Variants in ANKRD13D observed in about 807,000 individuals in gnomAD.
ANKRD13D encodes ankyrin repeat domain 13D.
In ANKRD13D, 24 loss-of-function variants were observed where a neutral mutation model predicts 68.8. That is an observed-to-expected ratio of 0.35 (90% confidence interval 0.25 to 0.49). The LOEUF (loss-of-function observed/expected upper bound fraction) is 0.49, where lower values mean the gene tolerates loss of function less well. ANKRD13D is among the 20% of genes least tolerant of loss of function. The pLI is 0.99. For synonymous variants in ANKRD13D, 331 were observed against 336.1 expected, an observed-to-expected ratio of 0.98 and a Z score of 0.16; for missense variants, 735 against 832.1, an observed-to-expected ratio of 0.88 and a Z score of 1.44.
At position 67,300,645 on chromosome 11, in the gene ANKRD13D, G is replaced by A; in HGVS notation, c.1074-345G>A. The A allele has an allele frequency of 2.2e-6, 1 of 457,008 alleles. No homozygotes were observed. Among genetic ancestry groups the A allele is most frequent in the Non-Finnish European group, 3.9e-6 (1 of 259,510 alleles). The allele number at this position is 457,008 out of a possible 1,614,324, so 28.3% of individuals were successfully genotyped here. On this transcript the variant is annotated intron_variant, in intron 10 of 14. Transcript: ENST00000511455. This position sits in a 1 kb window ranked among gnomAD's most constrained non-coding sequence, Gnocchi z 4.3. ...GGGGTGTGCTGGACATAAAAGTTTGGCAACACGTGAGCTGGTGACCAGCTC... is the reference window on the plus strand; with the variant it reads ...GGGGTGTGCTGGACATAAAAGTTTGACAACACGTGAGCTGGTGACCAGCTC...
In ANKRD13D at chr11:67,300,887, A is replaced by G; in HGVS notation, c.1074-103A>G. The G allele has an allele frequency of 1.4e-6, 2 of 1,430,930 alleles. No homozygotes were observed. The highest frequency in any genetic ancestry group is 2.6e-5 in the South Asian group (2 of 76,368). The allele number at this position is 1,430,930 out of a possible 1,614,324, so 88.6% of individuals were successfully genotyped here. A position where few individuals can be genotyped will look rare whatever the true frequency, so the allele number is the denominator to read the frequency against. ...TGAGCAGAGCAGGGCACTCCAGGCC[A>G]GGCAGAAGGTGGGTAAAGGCAGCTG... On this transcript the variant is annotated intron_variant, in intron 10 of 14. Transcript: ENST00000511455. The surrounding 1 kb of genome is among the most constrained non-coding windows in gnomAD (Gnocchi z 4.3).
Position 67,289,418 on chromosome 11 carries a change from C to T in ANKRD13D, c.-43C>T. 7.2e-7 allele frequency: 1 copy of T among 1,392,196 alleles called. No individual in the cohort carries two copies. Among genetic ancestry groups the T allele is most frequent in the East Asian group, 3.1e-5 (1 of 32,386 alleles). 86.2% of individuals were successfully genotyped at this position (1,392,196 alleles called of 1,614,324 possible). On this transcript the variant is annotated 5_prime_UTR_variant, in exon 1 of 15. Transcript: ENST00000511455. ...GGGGAGGCTAGGGGGCCGTGCCAGG[C>T]CCGAAGCCGAGGCGGGGCCGGGATG...
chr11:67,297,483 C>G (rs563161431), intron 6 of ANKRD13D, among the ~76,000 whole-genome samples: 1 of 151,304 alleles, frequency 6.6e-6, no homozygotes, highest in Non-Finnish European at 1.5e-5. Context: ...GCGTGAGCCA[C>G]CGGGCCTGGC....
chr11:67,290,780 C>G (rs150572357), intron 3 of ANKRD13D: 86 of 262,554 alleles, frequency 3.3e-4, no homozygotes, highest in African/African-American at 1.8e-3. Context: ...CTTCTGGAAG[C>G]ACACGGAGGG....
intron 6 of ANKRD13D, among the ~76,000 whole-genome samples, chr11:67,296,772 C>T (rs1305850783): frequency 6.6e-6 from 1 of 152,038 alleles, no homozygotes; most frequent in African/African-American, 2.4e-5. Context: ...TGCAGGCATG[C>T]ACCACCAAGC....
At chr11:67,296,592 G>T (rs938806978) in intron 6 of ANKRD13D, among the ~76,000 whole-genome samples, 5 of 151,796 alleles carry the variant, frequency 3.3e-5, no homozygotes, top group African/African-American at 1.2e-4. Context: ...TCTGATTCTG[G>T]TGAGTAATTT....
At position 67,291,453 on chromosome 11, in the gene ANKRD13D, C is replaced by T. The variant is rs376716929; in HGVS notation, c.352-23C>T. 3 of 1,611,754 alleles carry T rather than the reference C, an allele frequency of 1.9e-6. No homozygotes were observed. The African/African-American group carries it at 4.0e-5, about 22-fold the overall frequency. On this transcript the variant is annotated intron_variant, in intron 3 of 14. Coordinates refer to ENST00000511455, the MANE Select transcript of ANKRD13D (RefSeq NM_207354.3). ...GAGCCAGCAGCAGGCAGGGCGCTGA[C>T]AAGCAGCTCTGGTTTCTCTTAGGCC...
chr11:67,292,317 G>A (rs531212358), intron 6 of ANKRD13D, 137 bp downstream of exon 6: 244 of 1,064,990 alleles, frequency 2.3e-4, no homozygotes, highest in Non-Finnish European at 2.9e-4. Context: ...AGGGGCAGGT[G>A]GGTTGCTGCA....
At position 67,301,432 on chromosome 11, in the gene ANKRD13D, G is replaced by A. The variant is rs1402273642; in HGVS notation, c.1348+34G>A. Reference sequence around the variant, plus strand: ...ACGGGAGGAAGAGGGAGCCTGCACAGCTTTCTGGTCACCAAGCCCCGCGGG... The same window carrying A: ...ACGGGAGGAAGAGGGAGCCTGCACAACTTTCTGGTCACCAAGCCCCGCGGG... On this transcript the variant is annotated intron_variant, in intron 12 of 14. Coordinates refer to ENST00000511455, the MANE Select transcript of ANKRD13D (RefSeq NM_207354.3). The surrounding 1 kb of genome is among the most constrained non-coding windows in gnomAD (Gnocchi z 4.5). The A allele has an allele frequency of 1.2e-6, 2 of 1,607,552 alleles. No individual in the cohort carries two copies. The highest frequency in any genetic ancestry group is 2.2e-5 in the East Asian group (1 of 44,748).
In ANKRD13D at chr11:67,302,189, G is replaced by GC; in HGVS notation, c.1680dup (p.Gly561ArgfsTer6). The GC allele has an allele frequency of 6.3e-7, 1 of 1,593,710 alleles. No individual in the cohort carries two copies. Among genetic ancestry groups the GC allele is most frequent in the Non-Finnish European group, 8.5e-7 (1 of 1,170,842 alleles). On this transcript the variant is annotated frameshift_variant, in exon 15 of 15. Coordinates refer to ENST00000511455, the MANE Select transcript of ANKRD13D (RefSeq NM_207354.3). LOFTEE classifies it high-confidence loss of function. ...AGGATCCCCTCCCAGGACACCCCCA[G>GC]CCCCCGGTCCACCCAGCTTTGAAGA...
intron 6 of ANKRD13D, among the ~76,000 whole-genome samples, chr11:67,295,178 G>A (rs1263951307): frequency 6.6e-6 from 1 of 152,164 alleles, no homozygotes. Context: ...AGCACTTTGG[G>A]AGGCCGAGGT....
intron 6 of ANKRD13D, among the ~76,000 whole-genome samples, chr11:67,297,089 C>T (rs1203850616): frequency 6.6e-6 from 1 of 151,982 alleles, no homozygotes; most frequent in Non-Finnish European, 1.5e-5. Context: ...TCTTTCTGTT[C>T]TTTCTGGTTT....
intron 5 of ANKRD13D, 74 bp from the exon 6 acceptor site, chr11:67,291,917 A>G: frequency 1.3e-6 from 2 of 1,521,600 alleles, no homozygotes; most frequent in Non-Finnish European, 1.8e-6. Flanking sequence ...CTGAGGGTAC[A>G]TGATCGCCCT....
At position 67,299,143 on chromosome 11, in the gene ANKRD13D, G is replaced by A. The variant is rs754739525; in HGVS notation, c.798+19G>A. On this transcript the variant is annotated intron_variant, in intron 7 of 14. Coordinates refer to ENST00000511455, the MANE Select transcript of ANKRD13D (RefSeq NM_207354.3). The surrounding 1 kb of genome is among the most constrained non-coding windows in gnomAD (Gnocchi z 6.2). ...GGCCAAGGCAGGAGAGGCTAGGGGT[G>A]GGGGGCTGGGGGTAGGAGATGAGGT... 3 of 1,599,682 alleles carry A rather than the reference G, an allele frequency of 1.9e-6. No individual in the cohort carries two copies. Among genetic ancestry groups the A allele is most frequent in the Non-Finnish European group, 2.6e-6 (3 of 1,167,990 alleles).
chr11:67,295,156 G>A (rs1359306712), intron 6 of ANKRD13D, among the ~76,000 whole-genome samples: 1 of 152,128 alleles, frequency 6.6e-6, no homozygotes, highest in Admixed American at 6.5e-5. Flanking sequence ...GGTGGCTCAC[G>A]CCTGTAATCC....
At chr11:67,296,727 T>C (rs1248367985) in intron 6 of ANKRD13D, among the ~76,000 whole-genome samples, 1 of 152,096 alleles carries the variant, frequency 6.6e-6, no homozygotes. Context: ...ACTCCTGGGC[T>C]TAGGTGATTC....
intron 2 of ANKRD13D, 41 bp downstream of exon 2, chr11:67,290,254 CG>C (rs1387473641): frequency 1.3e-6 from 2 of 1,544,274 alleles, no homozygotes; most frequent in Non-Finnish European, 8.7e-7. Context: ...GGCTGGCAGG[CG>C]GGGGGCAGTG....
Position 67,291,919 on chromosome 11 carries a change from G to T in ANKRD13D, c.542-72G>T, listed in dbSNP as rs1860573571. The T allele has an allele frequency of 5.9e-6, 9 of 1,523,396 alleles. No homozygotes were observed. In the South Asian group the frequency reaches 1.0e-4, roughly 17 times the overall value. The allele number at this position is 1,523,396 out of a possible 1,614,324, so 94.4% of individuals were successfully genotyped here. On this transcript the variant is annotated intron_variant, in intron 5 of 14. Coordinates refer to ENST00000511455, the MANE Select transcript of ANKRD13D (RefSeq NM_207354.3). ...TGGCAGCAGGTGGCTGAGGGTACAT[G>T]ATCGCCCTCTCTGCACTGCTGGCGC...
At chr11:67,289,863 C>G in intron 1 of ANKRD13D, 1 of 1,430,454 alleles carries the variant, frequency 7.0e-7, no homozygotes, top group East Asian at 2.5e-5. Flanking sequence ...GCAGCTCTGC[C>G]TGACCAGGCC....
Sources: gnomAD v4.1 joint callset for allele counts (sites outside exome capture counted in the v4.1 genomes callset) on GRCh38, gnomAD v4.1.1 for gene constraint, Gnocchi (gnomAD v3.1) non-coding constraint, MANE v1.5 for transcripts, NCBI Gene and HGNC (gene_info 2026-07-23, HGNC 2026-07-21) for gene names.